The following CNST variants were observed in gnomAD, a reference collection of about 807,000 sequenced individuals.
The protein encoded by CNST is consortin, connexin sorting protein, also known as consortin.
In CNST, 39 loss-of-function variants were observed where a neutral mutation model predicts 72.4. The ratio of observed to expected loss-of-function variants is 0.54; its 90% CI spans 0.42 to 0.70. The LOEUF (loss-of-function observed/expected upper bound fraction) is 0.70, where lower values mean the gene tolerates loss of function less well. CNST is among the 30% of genes least tolerant of loss of function. The pLI is 0.00. For synonymous variants in CNST, 332 were observed against 320.1 expected (o/e 1.04, Z -0.40); for missense variants, 871 against 868.5 (o/e 1.00, Z -0.04).
chr1:246,647,282 G>A lies in CNST; in HGVS notation c.1081G>A (p.Glu361Lys). Residue 361 changes from glutamate to lysine, a missense_variant, in exon 9 of 11, where the codon GAG becomes AAG. By Grantham distance (56) the Glu-to-Lys change is moderately conservative (BLOSUM62 1). Transcript: ENST00000366513. Reference protein sequence around the residue: ...LSVTAGKDHMEELLCSAEATL... With the variant: ...LSVTAGKDHMKELLCSAEATL... ...GGTAACTGCAGGAAAGGACCACATG[G>A]AGGAGCTGCTCTGCAGCGCTGAAGC... 6.2e-7 allele frequency: 1 copy of A among 1,614,122 alleles called. No homozygotes were observed. Among genetic ancestry groups the A allele is most frequent in the Non-Finnish European group, 8.5e-7 (1 of 1,180,028 alleles).
chr1:246,637,620 G>A (rs1421349518), intron 6 of CNST, among the ~76,000 whole-genome samples: 1 of 152,188 alleles, frequency 6.6e-6, no homozygotes, highest in African/African-American at 2.4e-5. Flanking sequence ...AGCCAGCTTG[G>A]TGAGTTGAGC....
chr1:246,664,208 A>G (rs957895440), intron 10 of CNST, among the ~76,000 whole-genome samples: 7 of 152,318 alleles, frequency 4.6e-5, no homozygotes, highest in Middle Eastern at 6.8e-3. Context: ...TAACTGTTCC[A>G]TTGTAACCAG....
chr1:246,610,060 A>C (rs767485744), intron 2 of CNST, among the ~76,000 whole-genome samples: 1 of 152,016 alleles, frequency 6.6e-6, no homozygotes, highest in Non-Finnish European at 1.5e-5. Context: ...AGGCGGGTGG[A>C]TCATGAGGTC....
At chr1:246,613,653 CTCTCTCTCCT>C in intron 2 of CNST, among the ~76,000 whole-genome samples, 1 of 18 alleles carries the variant, frequency 0.056, no homozygotes, top group South Asian at 0.5. Flanking sequence ...CTTTCTCTCT[CTCTCTCTCCT>C]CCTCTCTACC....
At chr1:246,650,835 G>A (rs3129559) in intron 9 of CNST, among the ~76,000 whole-genome samples, 75,796 of 151,752 alleles carry the variant, frequency 0.5, 20,505 homozygotes, top group East Asian at 0.76. Context: ...GCACCACCAT[G>A]CCCTGCTACT....
chr1:246,611,498 A>G (rs1397678624), intron 2 of CNST, among the ~76,000 whole-genome samples: 1 of 152,116 alleles, frequency 6.6e-6, no homozygotes, highest in Non-Finnish European at 1.5e-5. Flanking sequence ...AAAGAGTACT[A>G]CTATTTCATA....
At chr1:246,604,461 G>C (rs1662549422) in intron 2 of CNST, among the ~76,000 whole-genome samples, 1 of 152,074 alleles carries the variant, frequency 6.6e-6, no homozygotes, top group Admixed American at 6.5e-5. Flanking sequence ...TAACCCCTGG[G>C]CTTCTAATGC....
chr1:246,639,687 G>A (rs1326413439), intron 6 of CNST, among the ~76,000 whole-genome samples: 1 of 152,190 alleles, frequency 6.6e-6, no homozygotes, highest in African/African-American at 2.4e-5. Context: ...GAGGTTGTGA[G>A]CAAGGGCCCG....
At position 246,566,552 on chromosome 1, in the gene CNST, A is replaced by C; in HGVS notation, c.-163A>C. 2.4e-6 allele frequency: 1 copy of C among 415,168 alleles called. No individual in the cohort carries two copies. Among genetic ancestry groups the C allele is most frequent in the Non-Finnish European group, 4.3e-6 (1 of 233,486 alleles). The allele number at this position is 415,168 out of a possible 1,614,324, so 25.7% of individuals were successfully genotyped here. A position where few individuals can be genotyped will look rare whatever the true frequency, so the allele number is the denominator to read the frequency against. On this transcript the variant is annotated 5_prime_UTR_variant, in exon 1 of 11. Coordinates refer to ENST00000366513, the MANE Select transcript of CNST (RefSeq NM_152609.3). ...GAGAGGTGTCTCCTCCACCGGAGCCAGGGGAGACCCGAGCAAGCTCCGTGA... is the reference window on the plus strand; with the variant it reads ...GAGAGGTGTCTCCTCCACCGGAGCCCGGGGAGACCCGAGCAAGCTCCGTGA...
intron 1 of CNST, among the ~76,000 whole-genome samples, chr1:246,585,666 TAC>T (rs56730668): frequency 0.06 from 6,109 of 101,332 alleles, 283 homozygotes; most frequent in African/African-American, 0.074. Context: ...AAAAAAAATA[TAC>T]ACACACACAC....
At chr1:246,609,543 C>T (rs553924734) in intron 2 of CNST, among the ~76,000 whole-genome samples, 1 of 152,326 alleles carries the variant, frequency 6.6e-6, no homozygotes, top group East Asian at 1.9e-4. Flanking sequence ...TGCCATGGCA[C>T]TCCAGCCTGG....
chr1:246,647,864 T>A lies in CNST; in HGVS notation c.1663T>A (p.Cys555Ser). The A allele has an allele frequency of 1.9e-6, 3 of 1,614,126 alleles. No individual in the cohort carries two copies. Among genetic ancestry groups the A allele is most frequent in the Non-Finnish European group, 2.5e-6 (3 of 1,180,024 alleles). Residue 555 changes from cysteine to serine, a missense_variant, in exon 9 of 11, where the codon TGT becomes AGT. Cys to Ser is a moderately radical substitution (Grantham distance 112, BLOSUM62 -1). Coordinates refer to ENST00000366513, the MANE Select transcript of CNST (RefSeq NM_152609.3). ...EDYLNSLLEG[C>S]LKDTEDSLSY... ...CTATTTGAACAGCCTTTTAGAAGGA[T>A]GTTTAAAAGATACTGAAGATTCCCT...
At chr1:246,602,530 GCAGT>G (rs1452558861) in intron 2 of CNST, among the ~76,000 whole-genome samples, 2 of 152,188 alleles carry the variant, frequency 1.3e-5, no homozygotes, top group Non-Finnish European at 2.9e-5. Flanking sequence ...TCCAGGGCTA[GCAGT>G]CAAAGAGAGA....
intron 8 of CNST, among the ~76,000 whole-genome samples, chr1:246,644,746 G>C (rs1487614907): frequency 6.6e-6 from 1 of 152,238 alleles, no homozygotes; most frequent in Admixed American, 6.5e-5. Flanking sequence ...GTGCCTGTGG[G>C]ACTGTGGTCC....
Position 246,577,043 on chromosome 1 carries a change from T to G in CNST, c.-52+10380T>G, listed in dbSNP as rs144798086. Reference sequence around the variant, plus strand: ...AGGTTTTTATGTTTTTAGAACCATCTTGCCCTCCCTTTTCTAGCTTTTGAC... The same window carrying G: ...AGGTTTTTATGTTTTTAGAACCATCGTGCCCTCCCTTTTCTAGCTTTTGAC... On this transcript the variant is annotated intron_variant, in intron 1 of 10. Transcript: ENST00000366513. Among the ~76,000 whole-genome samples the G allele has an allele frequency of 2.0e-3, 308 of 152,224 alleles. 2 individuals are homozygous for G. Among genetic ancestry groups the G allele is most frequent in the African/African-American group, 7.3e-3 (304 of 41,452 alleles).
At chr1:246,615,996 G>A (rs970964716) in intron 2 of CNST, among the ~76,000 whole-genome samples, 4 of 152,148 alleles carry the variant, frequency 2.6e-5, no homozygotes, top group African/African-American at 9.7e-5. Flanking sequence ...GAATGTGCCT[G>A]TTACTGTCTT....
chr1:246,568,380 T>G (rs1271355906), intron 1 of CNST, among the ~76,000 whole-genome samples: 3 of 152,222 alleles, frequency 2.0e-5, no homozygotes, highest in Admixed American at 6.5e-5. Context: ...TTCACTTGTT[T>G]GTAATTGAAG....
At chr1:246,641,557 A>AT (rs796533401) in intron 6 of CNST, among the ~76,000 whole-genome samples, 192 bp from the exon 7 acceptor site, 235 of 152,248 alleles carry the variant, frequency 1.5e-3, no homozygotes, top group African/African-American at 5.5e-3. Context: ...ATCTAAGGAG[A>AT]TAAACACATG....
chr1:246,623,827 C>T (rs772129831), intron 3 of CNST, among the ~76,000 whole-genome samples: 1 of 145,994 alleles, frequency 6.8e-6, no homozygotes, highest in Non-Finnish European at 1.5e-5. Context: ...TCTGGGAGGT[C>T]GAGGCAGGCA....
Sources: allele counts gnomAD v4.1 joint callset (sites outside exome capture counted in the v4.1 genomes callset), GRCh38; gene constraint gnomAD v4.1.1; transcripts MANE v1.5; gene names NCBI Gene and HGNC (gene_info 2026-07-23, HGNC 2026-07-21).